The following TANGO6 variants were observed in gnomAD, a reference collection of about 807,000 sequenced individuals.
TANGO6 encodes transport and Golgi organization protein 6 homolog.
Under a neutral mutation model 114.2 loss-of-function variants are expected in TANGO6, and 90 were observed. That is an observed-to-expected ratio of 0.79 (90% CI 0.66 to 0.94). TANGO6 has a LOEUF of 0.94. TANGO6 is among the 40% of genes least tolerant of loss of function. TANGO6 has a pLI of 0.00. For synonymous variants in TANGO6, 477 were observed against 509.8 expected, an observed-to-expected ratio of 0.94 and a Z score of 0.87; for missense variants, 1,274 against 1,315.3, an observed-to-expected ratio of 0.97 and a Z score of 0.49.
intron 14 of TANGO6, among the ~76,000 whole-genome samples, chr16:68,959,656 G>A (rs1364882736): frequency 6.6e-6 from 1 of 152,158 alleles, no homozygotes; most frequent in Non-Finnish European, 1.5e-5. Flanking sequence ...TTTCCACCTT[G>A]CCTCTGTCAC....
chr16:68,942,301 G>A (rs1237528068), intron 14 of TANGO6, among the ~76,000 whole-genome samples: 2 of 150,526 alleles, frequency 1.3e-5, no homozygotes, highest in South Asian at 4.2e-4. Context: ...CAGCCTGGGC[G>A]ACAAGAGCAA....
At chr16:69,077,360 C>G (rs958885925) in intron 17 of TANGO6, among the ~76,000 whole-genome samples, 14 of 152,112 alleles carry the variant, frequency 9.2e-5, no homozygotes, top group Admixed American at 3.9e-4. Flanking sequence ...CAGGTCGCAA[C>G]CCTAGTTGTC....
chr16:68,856,571 A>G (rs1214704270), intron 1 of TANGO6, among the ~76,000 whole-genome samples: 1 of 152,222 alleles, frequency 6.6e-6, no homozygotes, highest in East Asian at 1.9e-4. Flanking sequence ...TTGAGCAGAA[A>G]GTACAGAGTT....
intron 11 of TANGO6, among the ~76,000 whole-genome samples, chr16:68,910,101 A>G (rs1013210859): frequency 6.6e-6 from 1 of 152,216 alleles, no homozygotes; most frequent in Non-Finnish European, 1.5e-5. Flanking sequence ...CCACTTAACC[A>G]GAATTAGTTG....
At position 68,859,204 on chromosome 16, in the gene TANGO6, T is replaced by C. The variant is rs186874175; in HGVS notation, c.95-680T>C. Among the ~76,000 whole-genome samples, 29 of 152,298 alleles carry C rather than the reference T, an allele frequency of 1.9e-4. No individual in the cohort carries two copies. The East Asian group carries it at 5.4e-3, about 28-fold the overall frequency. On this transcript the variant is annotated intron_variant, in intron 1 of 17. Coordinates refer to ENST00000261778, the MANE Select transcript of TANGO6 (RefSeq NM_024562.2). Reference sequence around the variant, plus strand: ...TTTTGTTTTTGAGACTGGGTCTTGCTCTGTCACCCAGGCTAGAGTGCGGTG... The same window carrying C: ...TTTTGTTTTTGAGACTGGGTCTTGCCCTGTCACCCAGGCTAGAGTGCGGTG...
chr16:68,971,919 C>T (rs1368954521), intron 14 of TANGO6, among the ~76,000 whole-genome samples: 1 of 152,170 alleles, frequency 6.6e-6, no homozygotes. Context: ...ACGCGTGAGC[C>T]ACTGCGCCCA....
At chr16:68,900,342 G>A (rs1962765169) in intron 7 of TANGO6, 92 bp from the exon 8 acceptor site, 3 of 957,438 alleles carry the variant, frequency 3.1e-6, no homozygotes, top group Non-Finnish European at 5.0e-6. Flanking sequence ...TATTGCTTAA[G>A]ACGCTGAGCC....
chr16:68,927,708 T>G lies in TANGO6; in HGVS notation c.2268T>G (p.Thr756=), dbSNP rs1963185689. 4 of 1,613,966 alleles carry G rather than the reference T, an allele frequency of 2.5e-6. No homozygotes were observed. In the East Asian group the frequency reaches 8.9e-5, roughly 36 times the overall value. The stretch of plus-strand genomic sequence containing the variant: ...TCTCTACCCATGGAGCCTTTGCCAC[T>G]GAGGCCGTCAGCATGGCTGCCCAAA... ...ITISTHGAFA[T]EAVSMAAQST... The change falls in exon 13 of 18, where the codon ACT becomes ACG. Residue 756 remains threonine (T), a synonymous_variant. Coordinates refer to ENST00000261778, the MANE Select transcript of TANGO6 (RefSeq NM_024562.2).
At chr16:68,997,999 C>T (rs189986307) in intron 15 of TANGO6, among the ~76,000 whole-genome samples, 224 of 152,258 alleles carry the variant, frequency 1.5e-3, no homozygotes, top group African/African-American at 4.8e-3. Context: ...TGAGTCTCAA[C>T]AGAAGGTATA....
chr16:68,854,641 T>A (rs1961957086), intron 1 of TANGO6, among the ~76,000 whole-genome samples: 1 of 151,150 alleles, frequency 6.6e-6, no homozygotes, highest in East Asian at 2.0e-4. Flanking sequence ...TTTTTCCCCA[T>A]GTGGATATCC....
At chr16:69,058,811 G>A (rs951237067) in intron 17 of TANGO6, among the ~76,000 whole-genome samples, 4 of 151,330 alleles carry the variant, frequency 2.6e-5, no homozygotes, top group Non-Finnish European at 5.9e-5. Context: ...GACTACAGGC[G>A]CCCGCCACCA....
intron 17 of TANGO6, among the ~76,000 whole-genome samples, chr16:69,051,381 T>G (rs564931942): frequency 6.6e-6 from 1 of 152,122 alleles, no homozygotes; most frequent in Admixed American, 6.6e-5. Flanking sequence ...CCGTCTCTAC[T>G]AAAAATACAA....
intron 17 of TANGO6, among the ~76,000 whole-genome samples, chr16:69,080,008 G>A (rs1000960849): frequency 6.6e-6 from 1 of 152,086 alleles, no homozygotes; most frequent in Admixed American, 6.6e-5. Context: ...ATCACTTGAG[G>A]CCAGGAGTTC....
At chr16:68,968,628 G>C (rs1963670665) in intron 14 of TANGO6, among the ~76,000 whole-genome samples, 1 of 151,266 alleles carries the variant, frequency 6.6e-6, no homozygotes, top group Non-Finnish European at 1.5e-5. Context: ...GCCTCTCAAA[G>C]TGCTGGGATT....
chr16:69,012,331 C>T (rs1301409840), intron 15 of TANGO6, among the ~76,000 whole-genome samples: 2 of 151,828 alleles, frequency 1.3e-5, no homozygotes, highest in East Asian at 1.9e-4. Flanking sequence ...CCGAGGTGGT[C>T]GGATCACCTG....
At chr16:69,044,967 C>A (rs1437532432) in intron 17 of TANGO6, among the ~76,000 whole-genome samples, 1 of 151,776 alleles carries the variant, frequency 6.6e-6, no homozygotes, top group Non-Finnish European at 1.5e-5. Flanking sequence ...CGAGACCAGC[C>A]TGACCAACAT....
intron 16 of TANGO6, among the ~76,000 whole-genome samples, chr16:69,037,729 TGG>T (rs894312722): frequency 6.6e-6 from 1 of 152,222 alleles, no homozygotes; most frequent in South Asian, 2.1e-4. Context: ...AGCAGCTTGC[TGG>T]GTCTTACTGA....
At chr16:69,061,877 G>A (rs1299603624) in intron 17 of TANGO6, among the ~76,000 whole-genome samples, 3 of 152,020 alleles carry the variant, frequency 2.0e-5, no homozygotes, top group African/African-American at 7.2e-5. Context: ...AAATTAGCCG[G>A]GCATGGTGGT....
At chr16:68,948,949 G>T (rs1258861867) in intron 14 of TANGO6, among the ~76,000 whole-genome samples, 1 of 152,206 alleles carries the variant, frequency 6.6e-6, no homozygotes, top group Non-Finnish European at 1.5e-5. Flanking sequence ...CACTTTGGGA[G>T]GCCAAGGTGG....
Sources: allele counts gnomAD v4.1 joint callset (sites outside exome capture counted in the v4.1 genomes callset), GRCh38; gene constraint gnomAD v4.1.1; transcripts MANE v1.5; gene names NCBI Gene and HGNC (gene_info 2026-07-23, HGNC 2026-07-21).